Variants in IMPG2 observed in about 807,000 individuals in gnomAD.
IMPG2 encodes interphotoreceptor matrix proteoglycan 2, also known as IPM 200.
Under a neutral mutation model 129.2 loss-of-function variants are expected in IMPG2, and 91 were observed. The observed-to-expected ratio is 0.70, with a 90% confidence interval of 0.59 to 0.84. IMPG2 has a LOEUF of 0.84. IMPG2 is among the 40% of genes least tolerant of loss of function. The probability of loss-of-function intolerance (pLI) is 0.00; values close to 1 mark genes in which losing one functional copy is unlikely to be tolerated. For missense variants in IMPG2, 1,430 were observed against 1,461.7 expected, an observed-to-expected ratio of 0.98 and a Z score of 0.35; for synonymous variants, 510 against 517.7, an observed-to-expected ratio of 0.99 and a Z score of 0.20.
chr3:101,233,046 T>C (rs1215468811), intron 14 of IMPG2, 55 bp from the exon 15 acceptor site: 4 of 1,515,554 alleles, frequency 2.6e-6, no homozygotes, highest in Non-Finnish European at 3.7e-6. Flanking sequence ...GAAACTGGGG[T>C]ATACAAAGCC....
intron 2 of IMPG2, among the ~76,000 whole-genome samples, chr3:101,310,898 C>G (rs1229453095): frequency 6.6e-6 from 1 of 152,120 alleles, no homozygotes; most frequent in Non-Finnish European, 1.5e-5. Context: ...TTCCCCACCT[C>G]CTATAAAAAG....
intron 9 of IMPG2, among the ~76,000 whole-genome samples, chr3:101,260,231 C>A (rs1205956459): frequency 3.9e-5 from 6 of 152,230 alleles, no homozygotes; most frequent in African/African-American, 1.4e-4. Context: ...CCAGATATAA[C>A]AGGATACCTC....
rs1706755132 is a variant in IMPG2, at chr3:101,269,504, A to C, written c.887+11T>G. On this transcript the variant is annotated intron_variant, in intron 8 of 18. Transcript: ENST00000193391. ...TACTGAAAATGTGCATATTTAGATA[A>C]GTCTATTTACCTAAATTCAAGTACA... 1 of 1,478,942 alleles carries C rather than the reference A, an allele frequency of 6.8e-7. No homozygotes were observed. The allele number at this position is 1,478,942 out of a possible 1,614,324, so 91.6% of individuals were successfully genotyped here. A position where few individuals can be genotyped will look rare whatever the true frequency, so the allele number is the denominator to read the frequency against.
Position 101,320,335 on chromosome 3 carries a change from C to T in IMPG2, c.38G>A (p.Gly13Asp). The part of the protein sequence containing the change: ...MFPLFGKISL[G>D]ILIFVLIEGD... ...TTCTATCAGGACAAATATCAAAATA[C>T]CCAGAGAAATCTTCCCAAAAAGAGG... The change falls in exon 1 of 19, where the codon GGT (glycine) becomes GAT (aspartate). Residue 13 changes from glycine (G) to aspartate (D), a missense_variant. Transcript: ENST00000193391. 1.2e-6 allele frequency: 2 copies of T among 1,607,972 alleles called. No individual in the cohort carries two copies. The highest frequency in any genetic ancestry group is 1.7e-6 in the Non-Finnish European group (2 of 1,175,226).
At chr3:101,256,198 A>T (rs1706604276) in intron 10 of IMPG2, among the ~76,000 whole-genome samples, 1 of 151,226 alleles carries the variant, frequency 6.6e-6, no homozygotes, top group Non-Finnish European at 1.5e-5. Context: ...AGAAAGAAAG[A>T]AAGAAAGAAA....
chr3:101,249,390 C>T (rs1213493553), intron 11 of IMPG2, among the ~76,000 whole-genome samples: 1 of 151,660 alleles, frequency 6.6e-6, no homozygotes, highest in Non-Finnish European at 1.5e-5. Flanking sequence ...AATATAAATG[C>T]CCAGCAAATA....
chr3:101,228,765 G>A, intron 18 of IMPG2, 32 bp downstream of exon 18: 2 of 1,557,036 alleles, frequency 1.3e-6, no homozygotes, highest in Admixed American at 3.3e-5. Flanking sequence ...TAAGTCTGTA[G>A]GTCGGGGTGG....
At chr3:101,266,412 C>T (rs1254156326) in intron 9 of IMPG2, among the ~76,000 whole-genome samples, 3 of 152,104 alleles carry the variant, frequency 2.0e-5, no homozygotes, top group Non-Finnish European at 4.4e-5. Flanking sequence ...CTCCTTTCTT[C>T]CCAGTCTCAA....
rs1178195268 is a variant in IMPG2 at position 101,250,731 on chromosome 3, T to C, written c.1239+2965A>G. ...ACAGACTTGGCAGTCCATGCTCTCA[T>C]TTGGGTTAGCATATTCCACAGGTTT... On this transcript the variant is annotated intron_variant, in intron 11 of 18. Coordinates refer to ENST00000193391, the MANE Select transcript of IMPG2 (RefSeq NM_016247.4). 3.9e-5 allele frequency among the ~76,000 whole-genome samples: 6 copies of C among 152,270 alleles called. No homozygotes were observed. The East Asian group carries it at 1.2e-3, about 29-fold the overall frequency.
chr3:101,269,559 A>G lies in IMPG2; in HGVS notation c.843T>C (p.Phe281=), dbSNP rs748520589. 2.5e-6 allele frequency: 4 copies of G among 1,591,612 alleles called. No individual in the cohort carries two copies. Among genetic ancestry groups the G allele is most frequent in the South Asian group, 2.2e-5 (2 of 90,466 alleles). The change falls in exon 8 of 19, where the codon TTT becomes TTC. Residue 281 remains phenylalanine (F), a synonymous_variant. Coordinates refer to ENST00000193391, the MANE Select transcript of IMPG2 (RefSeq NM_016247.4). ...EEFISEVENA[F]TGLPGYKEIR... ...TTTCCTTGTAGCCTGGTAACCCAGT[A>G]AATGCATTTTCAACCTGTTAAAAGT... is the stretch of plus-strand genomic sequence containing the variant.
intron 9 of IMPG2, among the ~76,000 whole-genome samples, chr3:101,260,176 G>T (rs348878): frequency 0.8 from 122,290 of 152,016 alleles, 49,236 homozygotes; most frequent in Admixed American, 0.83. Context: ...CAGGCCTCTT[G>T]GATGTTCCTG....
chr3:101,309,197 C>T (rs1559659943), intron 2 of IMPG2, among the ~76,000 whole-genome samples: 2 of 152,268 alleles, frequency 1.3e-5, no homozygotes, highest in Non-Finnish European at 2.9e-5. Context: ...CGGGGCCCTC[C>T]AAACCTTTCC....
At chr3:101,309,820 G>T (rs1249592950) in intron 2 of IMPG2, among the ~76,000 whole-genome samples, 1 of 152,000 alleles carries the variant, frequency 6.6e-6, no homozygotes, top group Non-Finnish European at 1.5e-5. Context: ...TCCATCAATA[G>T]AAAAATAAAC....
intron 4 of IMPG2, among the ~76,000 whole-genome samples, chr3:101,284,453 A>G (rs1472405507): frequency 6.6e-6 from 1 of 152,060 alleles, no homozygotes; most frequent in East Asian, 1.9e-4. Flanking sequence ...ACTTTCCAGT[A>G]AAAGAGACTC....
intron 14 of IMPG2, among the ~76,000 whole-genome samples, chr3:101,239,752 A>G (rs1706385802): frequency 1.3e-5 from 2 of 152,248 alleles, no homozygotes; most frequent in Admixed American, 1.3e-4. Flanking sequence ...AAAAAGGATG[A>G]GTTCGTGTCC....
intron 9 of IMPG2, among the ~76,000 whole-genome samples, chr3:101,260,992 C>G (rs1706663629): frequency 6.6e-6 from 1 of 152,188 alleles, no homozygotes; most frequent in Non-Finnish European, 1.5e-5. Flanking sequence ...ATATGCCTGA[C>G]TTAATCTGAA....
chr3:101,258,566 C>T (rs494593), intron 9 of IMPG2, among the ~76,000 whole-genome samples: 118,862 of 151,996 alleles, frequency 0.78, 46,502 homozygotes, highest in East Asian at 0.83. Context: ...GAAACAAGCT[C>T]TCTCTCTCTC....
At chr3:101,238,909 A>G (rs1341264513) in intron 14 of IMPG2, among the ~76,000 whole-genome samples, 1 of 152,242 alleles carries the variant, frequency 6.6e-6, no homozygotes, top group African/African-American at 2.4e-5. Context: ...GCCCCAATTA[A>G]AAGACACAGA....
Position 101,229,241 on chromosome 3 carries a change from A to G in IMPG2, c.3633+139T>C. On this transcript the variant is annotated intron_variant, in intron 17 of 18. Coordinates refer to ENST00000193391, the MANE Select transcript of IMPG2 (RefSeq NM_016247.4). ...AGGAGATACGAGGTAAAAACCAATTACTAAATATTTTTTACACTTTCTTAA... is the reference window on the plus strand; with the variant it reads ...AGGAGATACGAGGTAAAAACCAATTGCTAAATATTTTTTACACTTTCTTAA... The G allele has an allele frequency of 5.3e-6, 4 of 749,622 alleles. No homozygotes were observed. The South Asian group carries it at 6.1e-5, about 11-fold the overall frequency. 46.4% of individuals were successfully genotyped at this position (749,622 alleles called of 1,614,324 possible). A position where few individuals can be genotyped will look rare whatever the true frequency, so the allele number is the denominator to read the frequency against.
Sources: allele counts gnomAD v4.1 joint callset (sites outside exome capture counted in the v4.1 genomes callset), GRCh38; gene constraint gnomAD v4.1.1; transcripts MANE v1.5; gene names NCBI Gene and HGNC (gene_info 2026-07-23, HGNC 2026-07-21).